PRKAR2A: variants seen among roughly 807,000 people sequenced by gnomAD.
PRKAR2A encodes the protein protein kinase cAMP-dependent type II regulatory subunit alpha, also known as cAMP-dependent protein kinase type II-alpha regulatory subunit.
In PRKAR2A, 29 loss-of-function variants were observed where a neutral mutation model predicts 51.9. The ratio of observed to expected loss-of-function variants is 0.56; its 90% CI spans 0.42 to 0.76. The LOEUF (loss-of-function observed/expected upper bound fraction) is 0.76. Among genes scored for constraint, PRKAR2A ranks in the 30% least tolerant of loss-of-function variants. The pLI is 0.00. For missense variants in PRKAR2A, 445 were observed against 512.1 expected, an observed-to-expected ratio of 0.87 and a Z score of 1.26; for synonymous variants, 178 against 186.2, an observed-to-expected ratio of 0.96 and a Z score of 0.36.
chr3:48,832,309 A>C (rs1295437217), intron 1 of PRKAR2A, among the ~76,000 whole-genome samples: 5 of 150,864 alleles, frequency 3.3e-5, no homozygotes, highest in Non-Finnish European at 7.4e-5. Context: ...AAAAAAAAAA[A>C]ACAAAAAAAA....
At position 48,757,178 on chromosome 3, in the gene PRKAR2A, G is replaced by T. The variant is rs1018513027; in HGVS notation, c.874-734C>A. Among the ~76,000 whole-genome samples, 21 of 152,304 alleles carry T rather than the reference G, an allele frequency of 1.4e-4. 1 individual carries two copies. The highest frequency in any genetic ancestry group is 6.8e-3 in the Middle Eastern group (2 of 294). On this transcript the variant is annotated intron_variant, in intron 8 of 10. Coordinates refer to ENST00000265563, the MANE Select transcript of PRKAR2A (RefSeq NM_004157.4). ...GGAGAGGTACTTCACCAAGAAGAGGGTGGTGAAAAGGGAAGATCTGTGTGG... is the reference window on the plus strand; with the variant it reads ...GGAGAGGTACTTCACCAAGAAGAGGTTGGTGAAAAGGGAAGATCTGTGTGG...
chr3:48,794,894 C>T (rs989470515), intron 2 of PRKAR2A, among the ~76,000 whole-genome samples: 42 of 151,276 alleles, frequency 2.8e-4, no homozygotes, highest in East Asian at 5.8e-4. Flanking sequence ...AAGAATAAAC[C>T]GGAAAGTAAT....
intron 1 of PRKAR2A, among the ~76,000 whole-genome samples, chr3:48,838,428 G>A (rs908390282): frequency 5.3e-5 from 8 of 151,856 alleles, no homozygotes; most frequent in African/African-American, 9.7e-5. Flanking sequence ...CCATCATGGT[G>A]AAACCCCATC....
In PRKAR2A at chr3:48,839,697, C is replaced by T. The variant is rs143357169; in HGVS notation, c.262+7638G>A. Among the ~76,000 whole-genome samples, 427 of 149,178 alleles carry T rather than the reference C, an allele frequency of 2.9e-3. 3 individuals are homozygous for T. The highest frequency in any genetic ancestry group is 9.7e-3 in the African/African-American group (397 of 40,756). ...CTGAATTGGTGGTTAGTCACAAGGA[C>T]CTCACTAAGCAAAGCTTCCTTGCTA... On this transcript the variant is annotated intron_variant, in intron 1 of 10. Transcript: ENST00000265563.
chr3:48,774,422 A>G, intron 5 of PRKAR2A, among the ~76,000 whole-genome samples: 1 of 152,078 alleles, frequency 6.6e-6, no homozygotes, highest in Non-Finnish European at 1.5e-5. Context: ...TCAGCACTTT[A>G]GGAAGCTAAA....
intron 1 of PRKAR2A, among the ~76,000 whole-genome samples, chr3:48,842,136 G>T (rs1364947227): frequency 1.3e-5 from 2 of 152,266 alleles, no homozygotes; most frequent in East Asian, 3.9e-4. Context: ...CACGTCCCTT[G>T]TAAGTTGGAT....
chr3:48,831,325 C>T (rs1161240636), intron 1 of PRKAR2A, among the ~76,000 whole-genome samples: 1 of 150,962 alleles, frequency 6.6e-6, no homozygotes, highest in East Asian at 1.9e-4. Context: ...ACATTGCAAA[C>T]TGAACAATAA....
intron 1 of PRKAR2A, among the ~76,000 whole-genome samples, chr3:48,821,690 G>A (rs950284401): frequency 1.3e-5 from 2 of 151,994 alleles, no homozygotes; most frequent in African/African-American, 2.4e-5. Context: ...GGCCGAGGCG[G>A]GCGGATCGCG....
At chr3:48,768,294 A>AAGATAGATAGATAGATAGATAGAT (rs561041221) in intron 6 of PRKAR2A, among the ~76,000 whole-genome samples, 2 of 140,100 alleles carry the variant, frequency 1.4e-5, no homozygotes, top group Non-Finnish European at 1.5e-5. Flanking sequence ...ACCGTCTCAA[A>AAGATAGATAGATAGATAGATAGAT]AGATAGATAG....
intron 5 of PRKAR2A, 94 bp from the exon 6 acceptor site, chr3:48,773,202 A>G: frequency 9.4e-7 from 1 of 1,069,318 alleles, no homozygotes; most frequent in East Asian, 2.6e-5. Flanking sequence ...TTGTTTTAAG[A>G]GATTTCCAAT....
intron 8 of PRKAR2A, among the ~76,000 whole-genome samples, chr3:48,756,929 A>G (rs2081780371): frequency 6.6e-6 from 1 of 152,210 alleles, no homozygotes; most frequent in Admixed American, 6.5e-5. Context: ...GAGTTAATCT[A>G]GTCCCAGGAC....
intron 2 of PRKAR2A, among the ~76,000 whole-genome samples, chr3:48,796,015 A>C (rs1171350885): frequency 6.6e-6 from 1 of 152,236 alleles, no homozygotes; most frequent in Non-Finnish European, 1.5e-5. Flanking sequence ...AAGAGACAAT[A>C]AATTATCTAC....
At chr3:48,835,865 T>C (rs1366411046) in intron 1 of PRKAR2A, among the ~76,000 whole-genome samples, 1 of 152,136 alleles carries the variant, frequency 6.6e-6, no homozygotes, top group African/African-American at 2.4e-5. Flanking sequence ...TCATACTTCC[T>C]GATTCCAAAC....
chr3:48,756,249 A>G, intron 9 of PRKAR2A, 130 bp downstream of exon 9: 1 of 743,412 alleles, frequency 1.3e-6, no homozygotes, highest in Non-Finnish European at 2.3e-6. Flanking sequence ...ATGGGCTTAA[A>G]CATGGGTCTT....
intron 1 of PRKAR2A, among the ~76,000 whole-genome samples, chr3:48,829,865 ATATATAT>A (rs1314889307): frequency 1.2e-5 from 1 of 81,218 alleles, no homozygotes; most frequent in Non-Finnish European, 2.2e-5. Context: ...ATATATATAT[ATATATAT>A]TTTTTTTTTT....
intron 1 of PRKAR2A, among the ~76,000 whole-genome samples, chr3:48,825,261 C>T (rs2083043617): frequency 6.6e-6 from 1 of 151,904 alleles, no homozygotes; most frequent in African/African-American, 2.4e-5. Flanking sequence ...GGAGTCTGCC[C>T]GCCTTGGCCT....
At position 48,781,539 on chromosome 3, in the gene PRKAR2A, G is replaced by A. The variant is rs368668250; in HGVS notation, c.542+1447C>T. Among the ~76,000 whole-genome samples, 13 of 151,508 alleles carry A rather than the reference G, an allele frequency of 8.6e-5. No individual in the cohort carries two copies. The East Asian group carries it at 1.2e-3, about 14-fold the overall frequency. On this transcript the variant is annotated intron_variant, in intron 5 of 10. Coordinates refer to ENST00000265563, the MANE Select transcript of PRKAR2A (RefSeq NM_004157.4). ...TATTTTTATTTTTTTTTGAGACAAA[G>A]TCTCACACTGTTGCCCAGGCTGGTG...
At chr3:48,819,265 C>T (rs2082923018) in intron 1 of PRKAR2A, among the ~76,000 whole-genome samples, 1 of 152,242 alleles carries the variant, frequency 6.6e-6, no homozygotes, top group Admixed American at 6.5e-5. Flanking sequence ...ATCCGCCAGC[C>T]TTGACCTCCC....
chr3:48,752,916 CTTTTTTTTTTTTTTTTTTTTT>C (rs59163654), intron 9 of PRKAR2A, among the ~76,000 whole-genome samples: 4 of 47,498 alleles, frequency 8.4e-5, no homozygotes, highest in Admixed American at 3.8e-4. Flanking sequence ...TTCCCTCCTC[CTTTTTTTTTTTTTTTTTTTTT>C]TTTTTTTTTT....
Sources: gnomAD v4.1 joint callset for allele counts (sites outside exome capture counted in the v4.1 genomes callset) on GRCh38, gnomAD v4.1.1 for gene constraint, MANE v1.5 for transcripts, NCBI Gene and HGNC (gene_info 2026-07-23, HGNC 2026-07-21) for gene names.